The following NELL2 variants were observed in gnomAD, a reference collection of about 807,000 sequenced individuals.
NELL2 encodes the protein neural EGFL like 2.
A neutral mutation model predicts 109.6 loss-of-function variants in NELL2; 41 were observed. The observed-to-expected ratio is 0.37, with a 90% CI of 0.29 to 0.49. The LOEUF (loss-of-function observed/expected upper bound fraction) is 0.49. Ranked by LOEUF, NELL2 falls within the 20% of genes least tolerant of loss-of-function variation. NELL2 has a pLI of 0.98. For missense variants in NELL2, 900 were observed against 1,008.3 expected (o/e 0.89, Z 1.45); for synonymous variants, 355 against 344.7 (o/e 1.03, Z -0.33).
chr12:44,798,134 A>C (rs893700842), intron 3 of NELL2, among the ~76,000 whole-genome samples: 2 of 149,832 alleles, frequency 1.3e-5, no homozygotes, highest in African/African-American at 4.9e-5. Context: ...TCCTAGATGG[A>C]ATGATGGAAT....
chr12:44,698,777 T>A (rs555319950), intron 12 of NELL2, among the ~76,000 whole-genome samples: 5 of 152,236 alleles, frequency 3.3e-5, no homozygotes, highest in Non-Finnish European at 5.9e-5. Context: ...ATGTGTGACA[T>A]GCAATCATAT....
chr12:44,855,055 C>G (rs1944644136), intron 2 of NELL2, among the ~76,000 whole-genome samples: 1 of 152,044 alleles, frequency 6.6e-6, no homozygotes, highest in Non-Finnish European at 1.5e-5. Context: ...CAACATATAA[C>G]CAACATAAAA....
At chr12:44,735,954 A>G (rs1460789563) in intron 9 of NELL2, among the ~76,000 whole-genome samples, 6 of 151,838 alleles carry the variant, frequency 4.0e-5, no homozygotes, top group East Asian at 3.9e-4. Context: ...GTTCAGGTTA[A>G]TAAGTAATAA....
intron 9 of NELL2, among the ~76,000 whole-genome samples, chr12:44,732,999 C>A (rs1192309625): frequency 6.6e-6 from 1 of 151,852 alleles, no homozygotes; most frequent in East Asian, 1.9e-4. Context: ...TGCAATGCAA[C>A]ATCACCTCAC....
intron 1 of NELL2, chr12:44,881,801 T>C (rs1945414776): frequency 6.6e-6 from 1 of 151,826 alleles, no homozygotes. Context: ...CTCAGCAAAC[T>C]TCAACAGGAT....
intron 12 of NELL2, among the ~76,000 whole-genome samples, chr12:44,693,887 A>G (rs183470984): frequency 2.0e-5 from 3 of 152,258 alleles, no homozygotes; most frequent in Admixed American, 2.0e-4. Context: ...GATGTTCCTC[A>G]AAGCCTAAAA....
intron 13 of NELL2, among the ~76,000 whole-genome samples, chr12:44,642,175 G>C (rs906644078): frequency 2.0e-4 from 31 of 152,252 alleles, no homozygotes; most frequent in South Asian, 1.0e-3. Flanking sequence ...CAGGTGCAAT[G>C]TGCTGCTAGC....
At chr12:44,761,987 T>C (rs1428869145) in intron 9 of NELL2, among the ~76,000 whole-genome samples, 1 of 152,152 alleles carries the variant, frequency 6.6e-6, no homozygotes, top group Non-Finnish European at 1.5e-5. Context: ...TTATACAATA[T>C]ATCCATGTAA....
chr12:44,604,580 A>C (rs1945327736), intron 15 of NELL2, among the ~76,000 whole-genome samples: 2 of 152,120 alleles, frequency 1.3e-5, no homozygotes, highest in African/African-American at 2.4e-5. Flanking sequence ...CAGGCCTTGT[A>C]CTGTTTCGTG....
intron 15 of NELL2, among the ~76,000 whole-genome samples, chr12:44,593,519 TACTC>T (rs752300790): frequency 9.8e-5 from 15 of 152,354 alleles, no homozygotes; most frequent in Non-Finnish European, 1.9e-4. Flanking sequence ...GCAATTTACT[TACTC>T]TATCTTTTCT....
chr12:44,723,301 A>G (rs1470909742), intron 9 of NELL2, among the ~76,000 whole-genome samples: 1 of 152,210 alleles, frequency 6.6e-6, no homozygotes, highest in Non-Finnish European at 1.5e-5. Flanking sequence ...AGCTAAGTTG[A>G]CAACTATTTT....
chr12:44,756,265 C>T (rs1940884727), intron 9 of NELL2, among the ~76,000 whole-genome samples: 1 of 152,096 alleles, frequency 6.6e-6, no homozygotes, highest in Admixed American at 6.6e-5. Context: ...TTTGCACCAT[C>T]AGTTAATTCC....
intron 9 of NELL2, 57 bp downstream of exon 9, chr12:44,774,687 CTTA>C (rs1161600293): frequency 2.2e-6 from 3 of 1,359,384 alleles, no homozygotes; most frequent in Non-Finnish European, 3.2e-6. Context: ...TGGGTGAATA[CTTA>C]TTAATACAGT....
At chr12:44,615,655 C>T (rs377695915) in intron 13 of NELL2, among the ~76,000 whole-genome samples, 2 of 151,994 alleles carry the variant, frequency 1.3e-5, no homozygotes, top group South Asian at 2.1e-4. Flanking sequence ...TATAATTATC[C>T]AGAAGTTTTT....
At chr12:44,592,036 G>A (rs1006652620) in intron 15 of NELL2, among the ~76,000 whole-genome samples, 7 of 152,124 alleles carry the variant, frequency 4.6e-5, no homozygotes, top group South Asian at 2.1e-4. Context: ...AGAGTTTTTC[G>A]GAAGAGTGGT....
chr12:44,555,516 T>C (rs776495898), intron 15 of NELL2, among the ~76,000 whole-genome samples: 2 of 152,126 alleles, frequency 1.3e-5, no homozygotes, highest in Non-Finnish European at 2.9e-5. Flanking sequence ...ACTGACACCA[T>C]CATCTACTTC....
chr12:44,701,925 C>A (rs1949241831), intron 12 of NELL2, among the ~76,000 whole-genome samples: 1 of 152,142 alleles, frequency 6.6e-6, no homozygotes. Context: ...TACCTGGCCC[C>A]TGCCTAATTC....
At chr12:44,591,930 T>C (rs945543082) in intron 15 of NELL2, among the ~76,000 whole-genome samples, 35 of 152,102 alleles carry the variant, frequency 2.3e-4, no homozygotes, top group African/African-American at 8.2e-4. Flanking sequence ...TAAAGATTAA[T>C]AACAATACAA....
chr12:44,645,028 C>T (rs1947040705), intron 13 of NELL2, among the ~76,000 whole-genome samples: 1 of 151,636 alleles, frequency 6.6e-6, no homozygotes, highest in African/African-American at 2.4e-5. Context: ...TGGGTAAGAG[C>T]CAACTATGGA....
Sources: gnomAD v4.1 joint callset for allele counts (sites outside exome capture counted in the v4.1 genomes callset) on GRCh38, gnomAD v4.1.1 for gene constraint, MANE v1.5 for transcripts, NCBI Gene and HGNC (gene_info 2026-07-23, HGNC 2026-07-21) for gene names.